The following LARS2 variants were observed in gnomAD, a reference collection of about 807,000 sequenced individuals.
LARS2 encodes leucyl-tRNA synthetase 2, mitochondrial, also known as leucine--tRNA ligase, mitochondrial.
A neutral mutation model predicts 116.6 loss-of-function variants in LARS2; 81 were observed. That is an observed-to-expected ratio of 0.69 (90% CI 0.58 to 0.84). The LOEUF is 0.84. Among genes scored for constraint, LARS2 ranks in the 40% least tolerant of loss-of-function variants. LARS2 has a pLI of 0.00. For missense variants in LARS2, 968 were observed against 1,114.5 expected (o/e 0.87, Z 1.87); for synonymous variants, 396 against 407.2 (o/e 0.97, Z 0.33).
At chr3:45,526,213 G>C (rs983635382) in intron 20 of LARS2, among the ~76,000 whole-genome samples, 3 of 152,156 alleles carry the variant, frequency 2.0e-5, no homozygotes, top group Non-Finnish European at 4.4e-5. Flanking sequence ...TACAATTAAA[G>C]AAATCATACC....
chr3:45,399,652 T>C (rs1421010535), intron 3 of LARS2, among the ~76,000 whole-genome samples: 1 of 152,116 alleles, frequency 6.6e-6, no homozygotes, highest in African/African-American at 2.4e-5. Context: ...CTTTTTTTTT[T>C]CCATAGGTTT....
chr3:45,513,440 T>G (rs1440933789), intron 16 of LARS2, among the ~76,000 whole-genome samples: 1 of 152,252 alleles, frequency 6.6e-6, no homozygotes, highest in Non-Finnish European at 1.5e-5. Flanking sequence ...GCTCCTCTGC[T>G]GCAGCCCCCT....
At chr3:45,410,372 T>C (rs1401784377) in intron 4 of LARS2, among the ~76,000 whole-genome samples, 1 of 150,814 alleles carries the variant, frequency 6.6e-6, no homozygotes, top group African/African-American at 2.5e-5. Context: ...CAGAACTTAG[T>C]AGCAAATACA....
In LARS2 at chr3:45,456,080, C is replaced by T. The variant is rs369022727; in HGVS notation, c.607-2663C>T. ...CTGCAGGAATACATTTTGAGATCTA[C>T]TGCACAGGAGGGTGACTCTAGTCAG... On this transcript the variant is annotated intron_variant, in intron 7 of 21. Transcript: ENST00000645846. Among the ~76,000 whole-genome samples, 3 of 152,018 alleles carry T rather than the reference C, an allele frequency of 2.0e-5. No homozygotes were observed. In the South Asian group the frequency reaches 6.2e-4, roughly 32 times the overall value.
intron 4 of LARS2, 59 bp from the exon 5 acceptor site, chr3:45,417,423 C>T (rs1698445350): frequency 8.5e-6 from 11 of 1,288,852 alleles, no homozygotes; most frequent in Non-Finnish European, 5.6e-6. Context: ...CCCCAGAAGA[C>T]AATACCAATG....
At chr3:45,478,532 C>T (rs552921811) in intron 10 of LARS2, among the ~76,000 whole-genome samples, 85 of 152,252 alleles carry the variant, frequency 5.6e-4, no homozygotes, top group Non-Finnish European at 2.2e-4. Context: ...TTTTAGTACA[C>T]GCAAACAGCA....
At chr3:45,543,116 C>T (rs1700822139) in intron 21 of LARS2, among the ~76,000 whole-genome samples, 1 of 152,230 alleles carries the variant, frequency 6.6e-6, no homozygotes, top group Non-Finnish European at 1.5e-5. Flanking sequence ...TCTGCACCAA[C>T]TCCCCTGGCA....
intron 15 of LARS2, 86 bp downstream of exon 15, chr3:45,500,665 A>T (rs975344247): frequency 9.9e-7 from 1 of 1,006,902 alleles, no homozygotes; most frequent in Non-Finnish European, 1.4e-6. Flanking sequence ...AGCAAGGTAA[A>T]TGCATGTAGT....
Position 45,506,689 on chromosome 3 carries a change from T to G in LARS2, c.1760+6110T>G, listed in dbSNP as rs374237340. Among the ~76,000 whole-genome samples, 365 of 152,170 alleles carry G rather than the reference T, an allele frequency of 2.4e-3. 11 individuals are homozygous for G. The South Asian group carries it at 0.069, about 29-fold the overall frequency. ...ATGTTCAGTGGTGCCCCTGATTAGC[T>G]GTGTGGACAAGAAGCTGAACTCCTT... On this transcript the variant is annotated intron_variant, in intron 15 of 21. Coordinates refer to ENST00000645846, the MANE Select transcript of LARS2 (RefSeq NM_015340.4).
At chr3:45,436,725 C>T (rs937823377) in intron 6 of LARS2, among the ~76,000 whole-genome samples, 1 of 145,986 alleles carries the variant, frequency 6.8e-6, no homozygotes, top group Non-Finnish European at 1.5e-5. Context: ...ACCCGGGAAG[C>T]GGAGCTTGCA....
At chr3:45,454,407 C>T (rs1012274543) in intron 7 of LARS2, among the ~76,000 whole-genome samples, 3 of 149,192 alleles carry the variant, frequency 2.0e-5, no homozygotes, top group Admixed American at 6.8e-5. Flanking sequence ...AATATTAGTC[C>T]TAATGTTTAA....
At chr3:45,449,274 T>G (rs1699075411) in intron 7 of LARS2, among the ~76,000 whole-genome samples, 1 of 149,470 alleles carries the variant, frequency 6.7e-6, no homozygotes, top group Non-Finnish European at 1.5e-5. Flanking sequence ...GCAATTCTCC[T>G]ACCTCAGCCT....
intron 6 of LARS2, among the ~76,000 whole-genome samples, chr3:45,444,438 C>T (rs780133872): frequency 1.2e-3 from 181 of 148,394 alleles, no homozygotes; most frequent in African/African-American, 3.5e-3. Flanking sequence ...CCGAGGTGGG[C>T]GGATCACGAG....
chr3:45,497,666 G>A (rs998503109), intron 14 of LARS2, among the ~76,000 whole-genome samples: 9 of 152,066 alleles, frequency 5.9e-5, no homozygotes, highest in African/African-American at 2.2e-4. Context: ...CAGCGCTTTG[G>A]GAGGCCGAGG....
rs200220721 is a variant in LARS2 at position 45,520,207 on chromosome 3, C to G, written c.2215-12C>G. On this transcript the variant is annotated splice_polypyrimidine_tract_variant and intron_variant, in intron 18 of 21. Transcript: ENST00000645846. ...TTTTGAAATAAGTAAATAATTGAACCTTTACTAATAGGTGACCACCCATTT... is the reference window on the plus strand; with the variant it reads ...TTTTGAAATAAGTAAATAATTGAACGTTTACTAATAGGTGACCACCCATTT... The G allele has an allele frequency of 1.6e-4, 257 of 1,581,576 alleles. 1 individual carries two copies. The highest frequency in any genetic ancestry group is 8.3e-4 in the Middle Eastern group (5 of 6,030).
intron 15 of LARS2, among the ~76,000 whole-genome samples, chr3:45,502,554 G>A (rs1271746911): frequency 6.6e-6 from 1 of 151,980 alleles, no homozygotes; most frequent in Non-Finnish European, 1.5e-5. Context: ...GGGACTACAG[G>A]CGCCCACCAG....
chr3:45,434,593 C>T (rs1481403951), intron 6 of LARS2, among the ~76,000 whole-genome samples: 1 of 152,192 alleles, frequency 6.6e-6, no homozygotes, highest in African/African-American at 2.4e-5. Flanking sequence ...TGTTGATAAT[C>T]TTTTCGCATT....
intron 10 of LARS2, among the ~76,000 whole-genome samples, chr3:45,478,852 A>G (rs1699655759): frequency 6.6e-6 from 1 of 152,212 alleles, no homozygotes; most frequent in South Asian, 2.1e-4. Context: ...CAGTGCATTG[A>G]GTGTAATACA....
chr3:45,410,656 T>G (rs1698316871), intron 4 of LARS2, among the ~76,000 whole-genome samples: 1 of 152,186 alleles, frequency 6.6e-6, no homozygotes, highest in Non-Finnish European at 1.5e-5. Context: ...TCTCTCCACA[T>G]GCCAGCTTTA....
Sources: gnomAD v4.1 joint callset for allele counts (sites outside exome capture counted in the v4.1 genomes callset) on GRCh38, gnomAD v4.1.1 for gene constraint, MANE v1.5 for transcripts, NCBI Gene and HGNC (gene_info 2026-07-23, HGNC 2026-07-21) for gene names.